Variants in RBMS3 observed in about 807,000 individuals in gnomAD.
RBMS3 encodes the protein RNA binding motif single stranded interacting protein 3, also known as RNA-binding motif, single-stranded-interacting protein 3.
In RBMS3, 27 loss-of-function variants were observed where a neutral mutation model predicts 66.8. That is an observed-to-expected ratio of 0.40 (90% CI 0.30 to 0.56). The LOEUF is 0.56. Among genes scored for constraint, RBMS3 ranks in the 20% least tolerant of loss-of-function variants. RBMS3 has a pLI of 0.40. For missense variants in RBMS3, 513 were observed against 549.5 expected (o/e 0.93, Z 0.66); for synonymous variants, 188 against 183.0 (o/e 1.03, Z -0.22).
intron 1 of RBMS3, among the ~76,000 whole-genome samples, chr3:29,370,354 A>G (rs1443939661): frequency 6.6e-6 from 1 of 152,218 alleles, no homozygotes; most frequent in Non-Finnish European, 1.5e-5. Flanking sequence ...CAGGTTGTAC[A>G]TCCATTTTCA....
At chr3:29,670,357 T>C (rs536745966) in intron 4 of RBMS3, among the ~76,000 whole-genome samples, 2 of 152,210 alleles carry the variant, frequency 1.3e-5, no homozygotes, top group East Asian at 3.9e-4. Flanking sequence ...AGACGGATGA[T>C]TTCTGCATTT....
intron 2 of RBMS3, among the ~76,000 whole-genome samples, chr3:29,474,576 T>G (rs1362348509): frequency 6.6e-6 from 1 of 152,232 alleles, no homozygotes; most frequent in Non-Finnish European, 1.5e-5. Flanking sequence ...AACACCTATT[T>G]TGTGCTGTGT....
At chr3:29,478,321 A>G (rs1416268553) in intron 2 of RBMS3, among the ~76,000 whole-genome samples, 1 of 152,220 alleles carries the variant, frequency 6.6e-6, no homozygotes, top group Admixed American at 6.5e-5. Context: ...AGATGAAGGC[A>G]GCAGCTGGTT....
rs544624150 is a variant in RBMS3, at chr3:29,361,950, G to A, written c.76-72793G>A. ...TGGTTATTCTAGTTAGCCATTAGTC[G>A]AATCTTTTTTCAAGGTTTTTAACTT... On this transcript the variant is annotated intron_variant, in intron 1 of 14. Transcript: ENST00000383767. Among the ~76,000 whole-genome samples the A allele has an allele frequency of 7.2e-5, 11 of 152,122 alleles. No individual in the cohort carries two copies. In the East Asian group the frequency reaches 1.4e-3, roughly 19 times the overall value.
chr3:29,695,966 G>C (rs2052253439), intron 4 of RBMS3, among the ~76,000 whole-genome samples: 1 of 152,170 alleles, frequency 6.6e-6, no homozygotes, highest in South Asian at 2.1e-4. Context: ...CAAAGGGTAA[G>C]GCCAGGGGGG....
intron 4 of RBMS3, among the ~76,000 whole-genome samples, chr3:29,589,472 C>T (rs957478646): frequency 6.6e-6 from 1 of 152,060 alleles, no homozygotes; most frequent in Admixed American, 6.6e-5. Context: ...ATTCTGCTGC[C>T]TGTGAAGTTA....
chr3:29,747,390 G>GTAGATAGATAGATAGA (rs56736478), intron 5 of RBMS3, among the ~76,000 whole-genome samples: 7 of 141,274 alleles, frequency 5.0e-5, no homozygotes, highest in African/African-American at 8.2e-5. Context: ...AGGTAGGTAG[G>GTAGATAGATAGATAGA]TAGATAGATA....
At chr3:29,387,448 T>TCTA (rs1408906427) in intron 1 of RBMS3, among the ~76,000 whole-genome samples, 2 of 152,192 alleles carry the variant, frequency 1.3e-5, no homozygotes, top group Non-Finnish European at 2.9e-5. Context: ...TATCAATGGC[T>TCTA]CTACTTGACT....
At chr3:29,736,278 C>A (rs897649646) in intron 4 of RBMS3, among the ~76,000 whole-genome samples, 4 of 152,158 alleles carry the variant, frequency 2.6e-5, no homozygotes, top group African/African-American at 9.7e-5. Flanking sequence ...CGACACTATC[C>A]AATGTGCTAC....
chr3:29,515,789 G>C (rs1398245147), intron 3 of RBMS3, among the ~76,000 whole-genome samples: 1 of 152,178 alleles, frequency 6.6e-6, no homozygotes, highest in Non-Finnish European at 1.5e-5. Context: ...CATGCAGGAA[G>C]ACCAGGAAGG....
chr3:29,931,938 G>C (rs1322289139), intron 10 of RBMS3, among the ~76,000 whole-genome samples: 2 of 152,038 alleles, frequency 1.3e-5, no homozygotes, highest in South Asian at 4.1e-4. Flanking sequence ...ATAGGCAATC[G>C]TATAATACAA....
intron 12 of RBMS3, among the ~76,000 whole-genome samples, chr3:29,973,210 G>A (rs2149764088): frequency 6.6e-6 from 1 of 152,054 alleles, no homozygotes; most frequent in South Asian, 2.1e-4. Context: ...GACTAATATG[G>A]CAAAAAGAAA....
intron 4 of RBMS3, among the ~76,000 whole-genome samples, chr3:29,722,041 A>G (rs1343487974): frequency 1.3e-5 from 2 of 152,330 alleles, no homozygotes; most frequent in Non-Finnish European, 2.9e-5. Context: ...CGTGTTTGGT[A>G]TTCTTTCTGT....
At chr3:29,413,369 C>T (rs1172059857) in intron 1 of RBMS3, among the ~76,000 whole-genome samples, 1 of 134,606 alleles carries the variant, frequency 7.4e-6, no homozygotes, top group Non-Finnish European at 1.6e-5. Flanking sequence ...AACTCCATCT[C>T]ATTCATACAT....
At chr3:29,828,028 C>A (rs1456872141) in intron 6 of RBMS3, among the ~76,000 whole-genome samples, 4 of 151,814 alleles carry the variant, frequency 2.6e-5, no homozygotes, top group East Asian at 1.9e-4. Flanking sequence ...TCAGTAAGAC[C>A]ATTGACTTTG....
chr3:29,464,578 T>G (rs1397031178), intron 2 of RBMS3, among the ~76,000 whole-genome samples: 2 of 152,194 alleles, frequency 1.3e-5, no homozygotes, highest in East Asian at 3.8e-4. Flanking sequence ...GAAATCTTTT[T>G]TAAAAAATTT....
At chr3:29,380,700 C>T (rs1338648412) in intron 1 of RBMS3, among the ~76,000 whole-genome samples, 1 of 152,148 alleles carries the variant, frequency 6.6e-6, no homozygotes, top group Non-Finnish European at 1.5e-5. Flanking sequence ...TAGTCAAAAT[C>T]AGTGGTATTC....
At chr3:30,000,060 A>G (rs1699512696) in intron 14 of RBMS3, among the ~76,000 whole-genome samples, 1 of 152,112 alleles carries the variant, frequency 6.6e-6, no homozygotes, top group Non-Finnish European at 1.5e-5. Context: ...TAATTAAACT[A>G]AAGAACTTCT....
chr3:29,928,960 C>A (rs2061031418), intron 10 of RBMS3, among the ~76,000 whole-genome samples: 2 of 152,184 alleles, frequency 1.3e-5, no homozygotes, highest in Non-Finnish European at 2.9e-5. Flanking sequence ...GTCATTGAAG[C>A]TCTAAGGTCC....
Sources: gnomAD v4.1 joint callset for allele counts (sites outside exome capture counted in the v4.1 genomes callset) on GRCh38, gnomAD v4.1.1 for gene constraint, MANE v1.5 for transcripts, NCBI Gene and HGNC (gene_info 2026-07-23, HGNC 2026-07-21) for gene names.